SEMA3A: variants seen among roughly 807,000 people sequenced by gnomAD.
SEMA3A encodes the protein semaphorin-3A.
Under a neutral mutation model 97.9 loss-of-function variants are expected in SEMA3A, and 29 were observed. That is an observed-to-expected ratio of 0.30 (90% confidence interval 0.22 to 0.40). The LOEUF is 0.40. Ranked by LOEUF, SEMA3A falls within the 10% of genes least tolerant of loss-of-function variation. The pLI is 1.00. For missense variants in SEMA3A, 763 were observed against 951.3 expected (o/e 0.80, Z 2.60); for synonymous variants, 321 against 323.7 (o/e 0.99, Z 0.09).
At chr7:84,248,571 G>C (rs1032564943) in intron 3 of SEMA3A, among the ~76,000 whole-genome samples, 4 of 140,636 alleles carry the variant, frequency 2.8e-5, no homozygotes, top group African/African-American at 1.0e-4. Context: ...ATTCTGCCTA[G>C]TGATAAACAC....
chr7:84,428,648 T>C (rs1339912939), intron 1 of SEMA3A, among the ~76,000 whole-genome samples: 4 of 152,060 alleles, frequency 2.6e-5, no homozygotes, highest in Non-Finnish European at 5.9e-5. Flanking sequence ...TGAATTCCAT[T>C]AGTATAAAAA....
intron 5 of SEMA3A, among the ~76,000 whole-genome samples, chr7:84,055,566 T>C (rs540981043): frequency 3.0e-4 from 45 of 152,322 alleles, no homozygotes; most frequent in African/African-American, 8.2e-4. Flanking sequence ...CTTTGGCTCG[T>C]GCACGGTGCG....
intron 4 of SEMA3A, among the ~76,000 whole-genome samples, chr7:84,066,924 T>A (rs890732707): frequency 6.6e-6 from 1 of 152,132 alleles, no homozygotes; most frequent in African/African-American, 2.4e-5. Context: ...AAAACTGCTT[T>A]AAAGTTCATA....
intron 4 of SEMA3A, among the ~76,000 whole-genome samples, chr7:84,094,642 CTA>C (rs1491269261): frequency 6.6e-6 from 1 of 152,030 alleles, no homozygotes; most frequent in African/African-American, 2.4e-5. Flanking sequence ...ATAGTGGAAT[CTA>C]TGTTTCTAAC....
chr7:84,471,378 T>A (rs1371001564), intron 1 of SEMA3A, among the ~76,000 whole-genome samples: 1 of 152,156 alleles, frequency 6.6e-6, no homozygotes, highest in Non-Finnish European at 1.5e-5. Flanking sequence ...CACATAAAGC[T>A]TTAAAAGGAC....
At chr7:83,981,208 T>C in intron 14 of SEMA3A, 113 bp downstream of exon 14, 1 of 1,181,236 alleles carries the variant, frequency 8.5e-7, no homozygotes, top group Non-Finnish European at 1.2e-6. Context: ...TGCTCCCAAA[T>C]CTTTTTATTC....
rs1798970152 is a variant in SEMA3A, at chr7:84,225,544, T to C, written c.-82-30876A>G. On this transcript the variant is annotated intron_variant, in intron 3 of 3. Coordinates refer to the SEMA3A transcript ENST00000424555. Reference sequence around the variant, plus strand: ...CAACAAAGAATGAATGCAGAAGAGGTGTCTGGCCCTCTTTGAAAAGTGAGG... The same window carrying C: ...CAACAAAGAATGAATGCAGAAGAGGCGTCTGGCCCTCTTTGAAAAGTGAGG... Among the ~76,000 whole-genome samples, 5 of 152,036 alleles carry C rather than the reference T, an allele frequency of 3.3e-5. No homozygotes were observed. The South Asian group carries it at 1.0e-3, about 32-fold the overall frequency.
chr7:84,162,592 T>TAAAAA (rs201883744), intron 1 of SEMA3A, among the ~76,000 whole-genome samples: 1,910 of 150,922 alleles, frequency 0.013, 22 homozygotes, highest in Middle Eastern at 0.017. Context: ...AATTTTTTTT[T>TAAAAA]AAAAAAAAAT....
At chr7:83,995,424 AT>A (rs1419580293) in intron 12 of SEMA3A, among the ~76,000 whole-genome samples, 5 of 152,194 alleles carry the variant, frequency 3.3e-5, no homozygotes, top group African/African-American at 1.2e-4. Flanking sequence ...TCATATTAAG[AT>A]TTTAATATTC....
chr7:84,159,848 T>C (rs529631182), intron 1 of SEMA3A, among the ~76,000 whole-genome samples: 10 of 149,116 alleles, frequency 6.7e-5, no homozygotes, highest in African/African-American at 2.3e-4. Context: ...ATGTGAACAA[T>C]TGTGTTCTAA....
upstream of SEMA3A, among the ~76,000 whole-genome samples, chr7:84,198,125 GATTTT>G (rs1798279777): frequency 6.6e-6 from 1 of 152,098 alleles, no homozygotes; most frequent in Non-Finnish European, 1.5e-5. Context: ...CATAACCATT[GATTTT>G]ATTTTACTGT....
At position 84,316,940 on chromosome 7, in the gene SEMA3A, C is replaced by T. The variant is rs1051510761; in HGVS notation, c.-168-9648G>A. On this transcript the variant is annotated intron_variant, in intron 2 of 3. Coordinates refer to the SEMA3A transcript ENST00000424555. Reference sequence around the variant, plus strand: ...GTAGCAGGCTCCAAATAAACCAGTACGCCCAGCACAAAGCTTGTGATAACA... The same window carrying T: ...GTAGCAGGCTCCAAATAAACCAGTATGCCCAGCACAAAGCTTGTGATAACA... 7.2e-5 allele frequency among the ~76,000 whole-genome samples: 11 copies of T among 152,222 alleles called. No homozygotes were observed. The Middle Eastern group carries it at 0.01, about 141-fold the overall frequency.
intron 1 of SEMA3A, among the ~76,000 whole-genome samples, chr7:84,160,567 AAAAC>A (rs960918753): frequency 6.6e-6 from 1 of 151,602 alleles, no homozygotes; most frequent in African/African-American, 2.4e-5. Flanking sequence ...GAAATAAATA[AAAAC>A]AAACAAACAA....
At chr7:84,475,528 T>G (rs1351865547) in intron 1 of SEMA3A, among the ~76,000 whole-genome samples, 3 of 152,250 alleles carry the variant, frequency 2.0e-5, no homozygotes, top group African/African-American at 7.2e-5. Flanking sequence ...CTCACCTAAA[T>G]CTATTATATA....
At chr7:84,271,598 G>A (rs1000567919) in intron 3 of SEMA3A, among the ~76,000 whole-genome samples, 9 of 152,070 alleles carry the variant, frequency 5.9e-5, no homozygotes, top group South Asian at 2.1e-4. Flanking sequence ...TTATAAACCC[G>A]TTGTATCAAG....
rs1015778329 is a variant in SEMA3A, at chr7:84,176,530, CTA to C, written c.112+17943_112+17944del. 5.9e-5 allele frequency among the ~76,000 whole-genome samples: 9 copies of C among 152,198 alleles called. 1 individual carries two copies. Among genetic ancestry groups the C allele is most frequent in the Admixed American group, 1.3e-4 (2 of 15,282 alleles). ...CATCACTAGGGTGCCAGATTAATGC[CTA>C]TGAGTCTATAACAGTGGCTTAAAAA... On this transcript the variant is annotated intron_variant, in intron 1 of 16. Coordinates refer to ENST00000265362, the MANE Select transcript of SEMA3A (RefSeq NM_006080.3).
chr7:84,160,178 G>A (rs1008654024), intron 1 of SEMA3A, among the ~76,000 whole-genome samples: 3 of 151,824 alleles, frequency 2.0e-5, no homozygotes, highest in African/African-American at 7.3e-5. Context: ...GTAATTAAAT[G>A]TTTACTATAG....
At chr7:84,034,883 T>A (rs564196058) in intron 6 of SEMA3A, among the ~76,000 whole-genome samples, 1 of 152,282 alleles carries the variant, frequency 6.6e-6, no homozygotes, top group Non-Finnish European at 1.5e-5. Flanking sequence ...ATCTGATACT[T>A]CCAACTTTCT....
chr7:84,476,979 T>C (rs1806301211), intron 1 of SEMA3A, among the ~76,000 whole-genome samples: 1 of 151,054 alleles, frequency 6.6e-6, no homozygotes, highest in Non-Finnish European at 1.5e-5. Flanking sequence ...ACACTTGTGC[T>C]AAAGGAAAGA....
Sources: allele counts gnomAD v4.1 joint callset (sites outside exome capture counted in the v4.1 genomes callset), GRCh38; gene constraint gnomAD v4.1.1; transcripts MANE v1.5; gene names NCBI Gene and HGNC (gene_info 2026-07-23, HGNC 2026-07-21).